NKD1: variants seen among roughly 807,000 people sequenced by gnomAD.
The protein encoded by NKD1 is NKD inhibitor of Wnt signaling pathway 1.
Under a neutral mutation model 56.0 loss-of-function variants are expected in NKD1, and 21 were observed. The ratio of observed to expected loss-of-function variants is 0.38; its 90% CI spans 0.27 to 0.54. The LOEUF (loss-of-function observed/expected upper bound fraction) is 0.54. NKD1 is among the 20% of genes least tolerant of loss of function. NKD1 has a pLI of 0.82. For synonymous variants in NKD1, 263 were observed against 265.7 expected (o/e 0.99, Z 0.10); for missense variants, 578 against 642.7 (o/e 0.90, Z 1.09).
At chr16:50,578,196 G>C (rs960077587) in intron 3 of NKD1, among the ~76,000 whole-genome samples, 2 of 152,150 alleles carry the variant, frequency 1.3e-5, no homozygotes, top group African/African-American at 4.8e-5. Context: ...AGGGGAATAA[G>C]AGAGTAGAAA....
At chr16:50,620,445 C>T (rs902961074) in intron 4 of NKD1, among the ~76,000 whole-genome samples, 2 of 152,212 alleles carry the variant, frequency 1.3e-5, no homozygotes, top group African/African-American at 4.8e-5. Context: ...GCCTTCCTCT[C>T]TGACTGGGGA....
intron 3 of NKD1, among the ~76,000 whole-genome samples, chr16:50,565,335 G>T (rs1049691105): frequency 2.7e-5 from 4 of 150,584 alleles, no homozygotes; most frequent in African/African-American, 9.8e-5. Flanking sequence ...TTGCACCACT[G>T]CACTCCAGTC....
At chr16:50,615,452 C>T (rs1012890850) in intron 4 of NKD1, among the ~76,000 whole-genome samples, 2 of 152,112 alleles carry the variant, frequency 1.3e-5, no homozygotes, top group African/African-American at 4.8e-5. Context: ...CTAACCTAGC[C>T]CTGAGGGTGT....
At chr16:50,591,426 CG>C (rs779077360) in intron 3 of NKD1, among the ~76,000 whole-genome samples, 1 of 152,182 alleles carries the variant, frequency 6.6e-6, no homozygotes, top group Non-Finnish European at 1.5e-5. Flanking sequence ...GTACTGAGGA[CG>C]GATCATTGGC....
chr16:50,548,703 CGAT>C lies in NKD1; in HGVS notation c.26-12_26-10del. On this transcript the variant is annotated splice_polypyrimidine_tract_variant and intron_variant, in intron 1 of 9. Transcript: ENST00000268459. ...GGCTGCCGCCGCCGCCGCCGCCTCG[CGAT>C]GTGCCTGCAGCCGCCGTGTGCAAGC... The C allele has an allele frequency of 6.8e-7, 1 of 1,465,888 alleles. No individual in the cohort carries two copies. 90.8% of individuals were successfully genotyped at this position (1,465,888 alleles called of 1,614,324 possible). A position where few individuals can be genotyped will look rare whatever the true frequency, so the allele number is the denominator to read the frequency against.
In NKD1 at chr16:50,621,599, C is replaced by T; in HGVS notation, c.260-3C>T. The T allele has an allele frequency of 6.2e-7, 1 of 1,612,148 alleles. No individual in the cohort carries two copies. The highest frequency in any genetic ancestry group is 2.2e-5 in the East Asian group (1 of 44,854). ...AATGCTCCCTCGCCTGCCTCCCCGACAGTGGCCCTGCCTCCTGAGAAGACT... is the reference window on the plus strand; with the variant it reads ...AATGCTCCCTCGCCTGCCTCCCCGATAGTGGCCCTGCCTCCTGAGAAGACT... On this transcript the variant is annotated splice_region_variant and splice_polypyrimidine_tract_variant and intron_variant, in intron 4 of 9. Coordinates refer to ENST00000268459, the MANE Select transcript of NKD1 (RefSeq NM_033119.5).
intron 3 of NKD1, among the ~76,000 whole-genome samples, chr16:50,600,656 T>C (rs1450271890): frequency 6.6e-6 from 1 of 152,218 alleles, no homozygotes; most frequent in African/African-American, 2.4e-5. Context: ...GACTTGCTGG[T>C]GTGACAGCCC....
intron 3 of NKD1, chr16:50,574,657 G>T: frequency 1.0e-6 from 1 of 985,400 alleles, no homozygotes; most frequent in Non-Finnish European, 1.2e-6. Flanking sequence ...AGGAGCCAGG[G>T]GGTCCCCTCC....
chr16:50,602,608 T>C (rs1472141674), intron 3 of NKD1, among the ~76,000 whole-genome samples: 1 of 152,214 alleles, frequency 6.6e-6, no homozygotes, highest in African/African-American at 2.4e-5. Context: ...ACCCTCTGCC[T>C]CTGTCTGCCC....
chr16:50,600,943 C>T (rs553423451), intron 3 of NKD1, among the ~76,000 whole-genome samples: 9 of 152,268 alleles, frequency 5.9e-5, no homozygotes, highest in African/African-American at 1.7e-4. Context: ...AGCTGAAGGC[C>T]GGGGATCTAC....
intron 3 of NKD1, among the ~76,000 whole-genome samples, chr16:50,563,978 G>C (rs987570651): frequency 9.9e-5 from 15 of 152,206 alleles, no homozygotes; most frequent in Admixed American, 9.2e-4. Context: ...GCATGGAGAA[G>C]ACCCTGTGTG....
At chr16:50,628,828 A>T (rs1962279089) in intron 6 of NKD1, among the ~76,000 whole-genome samples, 1 of 152,168 alleles carries the variant, frequency 6.6e-6, no homozygotes, top group Non-Finnish European at 1.5e-5. Flanking sequence ...ACGGTTCTGG[A>T]GGCTGGAAGT....
Position 50,638,258 on chromosome 16 carries a change from GCAGGCTGTGAATGCTCTCT to G in NKD1, c.*4478_*4496del, listed in dbSNP as rs971191049. On this transcript the variant is annotated 3_prime_UTR_variant, in exon 10 of 10. Coordinates refer to ENST00000268459, the MANE Select transcript of NKD1 (RefSeq NM_033119.5). Reference sequence around the variant, plus strand: ...GACCCCTGAGAGGTGCTCAGTACCAGCAGGCTGTGAATGCTCTCTACCCACCACCCTCACCTCCTCGTTA... The same window carrying G: ...GACCCCTGAGAGGTGCTCAGTACCAGACCCACCACCCTCACCTCCTCGTTA... The G allele has an allele frequency of 6.6e-6, 1 of 152,176 alleles. No individual in the cohort carries two copies. Among genetic ancestry groups the G allele is most frequent in the African/African-American group, 2.4e-5 (1 of 41,406 alleles). The allele number at this position is 152,176 out of a possible 1,614,324, so 9.4% of individuals were successfully genotyped here.
chr16:50,583,549 A>T (rs1961164399), intron 3 of NKD1, among the ~76,000 whole-genome samples: 1 of 152,194 alleles, frequency 6.6e-6, no homozygotes, highest in Admixed American at 6.5e-5. Context: ...ACAACTGCCC[A>T]GCTGAGGCCA....
intron 4 of NKD1, among the ~76,000 whole-genome samples, chr16:50,621,027 G>C (rs2151278684): frequency 6.6e-6 from 1 of 152,338 alleles, no homozygotes; most frequent in African/African-American, 2.4e-5. Flanking sequence ...ACATATGTCT[G>C]CATGTGCGTG....
At chr16:50,612,315 C>T (rs1303230511) in intron 4 of NKD1, among the ~76,000 whole-genome samples, 1 of 152,222 alleles carries the variant, frequency 6.6e-6, no homozygotes. Flanking sequence ...TTCCTTTCAT[C>T]TGTAGTTGGA....
chr16:50,556,042 G>A (rs1257325347), intron 3 of NKD1: 1 of 152,040 alleles, frequency 6.6e-6, no homozygotes, highest in Non-Finnish European at 1.5e-5. Flanking sequence ...ACTGAGGCAG[G>A]AGCCCAGAAT....
rs1596774471 is a variant in NKD1, at chr16:50,645,778, G to A, written c.*11997G>A. ...ATGTGGGATCAGCACTACCTTCCGT[G>A]CTGCCGAACATCTTCTTAAGCGAGG... On this transcript the variant is annotated 3_prime_UTR_variant, in exon 10 of 10. Coordinates refer to ENST00000268459, the MANE Select transcript of NKD1 (RefSeq NM_033119.5). 2 of 152,180 alleles carry A rather than the reference G, an allele frequency of 1.3e-5. No individual in the cohort carries two copies. Among genetic ancestry groups the A allele is most frequent in the African/African-American group, 4.8e-5 (2 of 41,428 alleles). 9.4% of individuals were successfully genotyped at this position (152,180 alleles called of 1,614,324 possible).
intron 2 of NKD1, among the ~76,000 whole-genome samples, chr16:50,549,156 G>A (rs1331336672): frequency 6.7e-6 from 1 of 150,164 alleles, no homozygotes; most frequent in Non-Finnish European, 1.5e-5. Context: ...CTGGCTGCCA[G>A]TGCTCCCTGG....
Sources: allele counts gnomAD v4.1 joint callset (sites outside exome capture counted in the v4.1 genomes callset), GRCh38; gene constraint gnomAD v4.1.1; transcripts MANE v1.5; gene names NCBI Gene and HGNC (gene_info 2026-07-23, HGNC 2026-07-21).